GRSF1: variants seen among roughly 807,000 people sequenced by gnomAD.
GRSF1 encodes G-rich sequence factor 1.
A neutral mutation model predicts 51.1 loss-of-function variants in GRSF1; 50 were observed. That is an observed-to-expected ratio of 0.98 (90% CI 0.78 to 1.24). GRSF1 has a LOEUF of 1.24. GRSF1 is among the 50% of genes most tolerant of loss of function. The probability of loss-of-function intolerance (pLI) is 0.00; values close to 1 mark genes in which losing one functional copy is unlikely to be tolerated. For synonymous variants in GRSF1, 293 were observed against 253.3 expected (o/e 1.16, Z -1.49); for missense variants, 700 against 639.7 (o/e 1.09, Z -1.02).
chr4:70,832,001 C>T (rs1198832750), intron 4 of GRSF1, among the ~76,000 whole-genome samples: 1 of 149,914 alleles, frequency 6.7e-6, no homozygotes, highest in African/African-American at 2.5e-5. Flanking sequence ...TTAGAAAATA[C>T]TTTTAAATTA....
chr4:70,835,807 G>A (rs536697452), intron 2 of GRSF1, among the ~76,000 whole-genome samples: 62 of 152,274 alleles, frequency 4.1e-4, no homozygotes, highest in South Asian at 1.2e-3. Flanking sequence ...TATGTAAATT[G>A]AGACAGTCTC....
chr4:70,822,367 G>A (rs976262911), intron 9 of GRSF1, among the ~76,000 whole-genome samples: 3 of 152,140 alleles, frequency 2.0e-5, no homozygotes, highest in East Asian at 1.9e-4. Context: ...CGGATCACTG[G>A]ATGTCGGGAG....
intron 2 of GRSF1, among the ~76,000 whole-genome samples, chr4:70,834,947 C>A (rs1271925067): frequency 6.6e-6 from 1 of 151,982 alleles, no homozygotes; most frequent in Non-Finnish European, 1.5e-5. Context: ...TTAATCTTCT[C>A]CCCAACCCTC....
chr4:70,825,403 A>G lies in GRSF1; in HGVS notation c.1286T>C (p.Ile429Thr). Residue 429 changes from isoleucine to threonine, a missense_variant, in exon 8 of 10, where the codon ATC (isoleucine) becomes ACC (threonine). Transcript: ENST00000254799. ...NFFAPLKPVR[I>T]TMEYSSSGKA... ...CCCACTGGAGCTGTATTCCATGGTG[A>G]TTCTAACAGGCTTGAGTGGAGCAAA... is the stretch of plus-strand genomic sequence containing the variant. 6.2e-7 allele frequency: 1 copy of G among 1,611,730 alleles called. No homozygotes were observed. The highest frequency in any genetic ancestry group is 8.5e-7 in the Non-Finnish European group (1 of 1,178,550).
At position 70,825,308 on chromosome 4, in the gene GRSF1, G is replaced by A. The variant is rs896285186; in HGVS notation, c.1381C>T (p.Arg461Trp). The A allele has an allele frequency of 1.2e-5, 20 of 1,605,594 alleles. No homozygotes were observed. Among genetic ancestry groups the A allele is most frequent in the Admixed American group, 1.0e-4 (6 of 59,708 alleles). ...AGGCAGGACTTACGAACGTGGGACCGATCCTTGAGCATCGCTGCAACAGCA... is the reference window on the plus strand; with the variant it reads ...AGGCAGGACTTACGAACGTGGGACCAATCCTTGAGCATCGCTGCAACAGCA... ...EDAVAAMLKD[R>W]SHVHHRYIEL... The change falls in exon 8 of 10, where the codon CGG becomes TGG. Residue 461 changes from arginine (R) to tryptophan (W), a missense_variant. Coordinates refer to ENST00000254799, the MANE Select transcript of GRSF1 (RefSeq NM_002092.4).
rs764366652 is a variant in GRSF1 at position 70,839,457 on chromosome 4, C to T, written c.357+14G>A. On this transcript the variant is annotated intron_variant, in intron 1 of 9. Transcript: ENST00000254799. Reference sequence around the variant, plus strand: ...GAGGGATCTCGCGCCAGGTCCCTCACGGCGCCCACGTACCTGGCTGTAGCT... The same window carrying T: ...GAGGGATCTCGCGCCAGGTCCCTCATGGCGCCCACGTACCTGGCTGTAGCT... The T allele has an allele frequency of 1.3e-4, 188 of 1,458,870 alleles. 1 individual carries two copies. Among genetic ancestry groups the T allele is most frequent in the South Asian group, 9.8e-4 (74 of 75,668 alleles). The allele number at this position is 1,458,870 out of a possible 1,614,324, so 90.4% of individuals were successfully genotyped here.
intron 2 of GRSF1, among the ~76,000 whole-genome samples, chr4:70,834,869 C>T (rs147453670): frequency 1.8e-3 from 268 of 152,034 alleles, no homozygotes; most frequent in African/African-American, 4.1e-3. Flanking sequence ...GTGATCCGCC[C>T]GCCTCGGCCT....
chr4:70,841,941 T>C (rs921062321), upstream of GRSF1, among the ~76,000 whole-genome samples: 1 of 152,228 alleles, frequency 6.6e-6, no homozygotes, highest in Non-Finnish European at 1.5e-5. Flanking sequence ...GAGGCTGGGA[T>C]GCCTCAGTGT....
chr4:70,830,446 TAAA>T (rs75517390), intron 5 of GRSF1, among the ~76,000 whole-genome samples: 1 of 124,810 alleles, frequency 8.0e-6, no homozygotes. Context: ...CCCTGTGTCT[TAAA>T]AAAAAAAAAA....
chr4:70,824,810 A>C (rs891130314), intron 8 of GRSF1, among the ~76,000 whole-genome samples: 1 of 152,128 alleles, frequency 6.6e-6, no homozygotes, highest in African/African-American at 2.4e-5. Context: ...AAAATGTAAA[A>C]TGGACAAACA....
intron 1 of GRSF1, among the ~76,000 whole-genome samples, chr4:70,837,483 G>C (rs111660079): frequency 0.035 from 4,755 of 135,956 alleles, 101 homozygotes; most frequent in Middle Eastern, 0.064. Context: ...ATAATCGCCT[G>C]AACCCGGGAG....
chr4:70,827,815 T>C (rs1286596666), intron 6 of GRSF1, 37 bp downstream of exon 6: 10 of 1,426,980 alleles, frequency 7.0e-6, no homozygotes, highest in East Asian at 2.3e-5. Flanking sequence ...ACATTCAAGA[T>C]AGACCCAATG....
intron 1 of GRSF1, chr4:70,839,238 C>A: frequency 6.8e-7 from 1 of 1,466,002 alleles, no homozygotes. Context: ...ACTGCCCAAC[C>A]GACCAGAGAC....
intron 1 of GRSF1, 147 bp downstream of exon 1, chr4:70,839,324 C>A: frequency 5.3e-6 from 8 of 1,503,446 alleles, no homozygotes; most frequent in Non-Finnish European, 7.1e-6. Context: ...AATAGGAGCA[C>A]AGGGTGGACG....
intron 3 of GRSF1, among the ~76,000 whole-genome samples, chr4:70,832,854 A>G (rs555715355): frequency 1.4e-4 from 22 of 152,360 alleles, no homozygotes; most frequent in Non-Finnish European, 2.4e-4. Flanking sequence ...AGGCTGAGAC[A>G]GGAGAATTGC....
At chr4:70,838,413 A>G (rs1018000334) in intron 1 of GRSF1, among the ~76,000 whole-genome samples, 1 of 152,138 alleles carries the variant, frequency 6.6e-6, no homozygotes, top group Non-Finnish European at 1.5e-5. Context: ...CCATTTTTCC[A>G]TAATTCCATA....
At position 70,839,607 on chromosome 4, in the gene GRSF1, C is replaced by A; in HGVS notation, c.221G>T (p.Gly74Val). 1 of 1,408,802 alleles carries A rather than the reference C, an allele frequency of 7.1e-7. No homozygotes were observed. 87.3% of individuals were successfully genotyped at this position (1,408,802 alleles called of 1,614,324 possible). A position where few individuals can be genotyped will look rare whatever the true frequency, so the allele number is the denominator to read the frequency against. ...RGLQTGPVPP[G>V]RLAGPPAVAT... ...CACAGCGGGAGGCCCCGCCAGCCTC[C>A]CGGGAGGCACAGGCCCGGTCTGGAG... Residue 74 changes from glycine to valine, a missense_variant, in exon 1 of 10, where the codon GGG becomes GTG. Gly to Val is a moderately radical substitution (Grantham distance 109, BLOSUM62 -3). Coordinates refer to ENST00000254799, the MANE Select transcript of GRSF1 (RefSeq NM_002092.4).
chr4:70,824,620 C>A (rs1349990738), intron 8 of GRSF1, among the ~76,000 whole-genome samples: 1 of 151,778 alleles, frequency 6.6e-6, no homozygotes, highest in African/African-American at 2.4e-5. Context: ...CCCATCTCTA[C>A]TAAAAATACA....
At chr4:70,829,180 C>A (rs1289543516) in intron 5 of GRSF1, among the ~76,000 whole-genome samples, 1 of 152,098 alleles carries the variant, frequency 6.6e-6, no homozygotes, top group South Asian at 2.1e-4. Flanking sequence ...CATGGGCCAC[C>A]GCGCCCAGCA....
Sources: allele counts gnomAD v4.1 joint callset (sites outside exome capture counted in the v4.1 genomes callset), GRCh38; gene constraint gnomAD v4.1.1; transcripts MANE v1.5; gene names NCBI Gene and HGNC (gene_info 2026-07-23, HGNC 2026-07-21).